DLG2: variants seen among roughly 807,000 people sequenced by gnomAD.
DLG2 encodes disks large homolog 2.
Under a neutral mutation model 132.5 loss-of-function variants are expected in DLG2, and 45 were observed. That is an observed-to-expected ratio of 0.34 (90% CI 0.27 to 0.44). The LOEUF is 0.44. Ranked by LOEUF, DLG2 falls within the 20% of genes least tolerant of loss-of-function variation. The probability of loss-of-function intolerance (pLI) is 1.00; values close to 1 mark genes in which losing one functional copy is unlikely to be tolerated. For missense variants in DLG2, 1,045 were observed against 1,196.9 expected (o/e 0.87, Z 1.87); for synonymous variants, 424 against 419.6 (o/e 1.01, Z -0.13).
At chr11:84,715,325 C>A (rs1187985200) in intron 6 of DLG2, among the ~76,000 whole-genome samples, 1 of 151,978 alleles carries the variant, frequency 6.6e-6, no homozygotes. Context: ...GTTACTACAG[C>A]CAAACTAATT....
At chr11:84,244,478 C>G (rs10898219) in intron 8 of DLG2, among the ~76,000 whole-genome samples, 23,936 of 152,106 alleles carry the variant, frequency 0.16, 2,140 homozygotes, top group East Asian at 0.25. Flanking sequence ...GAGCCCACCT[C>G]TTGCTTATAA....
At chr11:84,192,822 G>C (rs902150036) in intron 8 of DLG2, among the ~76,000 whole-genome samples, 1 of 152,150 alleles carries the variant, frequency 6.6e-6, no homozygotes, top group African/African-American at 2.4e-5. Context: ...TGACATCTCA[G>C]AGGACTGCAA....
At chr11:84,326,162 C>G (rs780511665) in intron 7 of DLG2, among the ~76,000 whole-genome samples, 6 of 151,782 alleles carry the variant, frequency 4.0e-5, no homozygotes, top group Non-Finnish European at 8.8e-5. Flanking sequence ...AAAGCTTTAC[C>G]AATTTTGTTG....
intron 4 of DLG2, among the ~76,000 whole-genome samples, chr11:85,207,877 C>T (rs910920234): frequency 2.6e-5 from 4 of 151,634 alleles, no homozygotes; most frequent in African/African-American, 9.7e-5. Context: ...TGCTTGATTG[C>T]CCTTTCATGC....
chr11:84,802,273 T>G (rs918537193), intron 6 of DLG2, among the ~76,000 whole-genome samples: 2 of 151,866 alleles, frequency 1.3e-5, no homozygotes, highest in Non-Finnish European at 2.9e-5. Context: ...GAAATAGGAA[T>G]AATAGGAAAG....
At chr11:84,944,605 ATT>A (rs60502429) in intron 6 of DLG2, among the ~76,000 whole-genome samples, 33 of 133,876 alleles carry the variant, frequency 2.5e-4, no homozygotes, top group South Asian at 9.4e-4. Context: ...GTCTCTGTTA[ATT>A]TTTTTTTTTT....
At chr11:84,854,326 C>T (rs148696650) in intron 6 of DLG2, among the ~76,000 whole-genome samples, 1 of 151,444 alleles carries the variant, frequency 6.6e-6, no homozygotes, top group African/African-American at 2.4e-5. Context: ...TTTTTTAAAC[C>T]CCTCTGAGCA....
chr11:84,934,515 G>T (rs78270160), intron 6 of DLG2, among the ~76,000 whole-genome samples: 11,560 of 39,758 alleles, frequency 0.29, 2,759 homozygotes, highest in African/African-American at 0.34. Context: ...TTTTTTTTTT[G>T]TTTTGTTTTG....
chr11:85,256,364 T>C (rs2076665762), intron 4 of DLG2, among the ~76,000 whole-genome samples: 1 of 152,048 alleles, frequency 6.6e-6, no homozygotes, highest in African/African-American at 2.4e-5. Context: ...CAGCTCCCCA[T>C]CCATGCCACT....
At chr11:85,401,593 T>C (rs1015735698) in intron 3 of DLG2, among the ~76,000 whole-genome samples, 14 of 152,260 alleles carry the variant, frequency 9.2e-5, no homozygotes, top group African/African-American at 2.9e-4. Context: ...GAAAACCCCA[T>C]TGTCTCAGCC....
chr11:85,321,387 C>T (rs1162525394), intron 3 of DLG2, among the ~76,000 whole-genome samples: 1 of 151,758 alleles, frequency 6.6e-6, no homozygotes, highest in Admixed American at 6.6e-5. Context: ...GAGTTTAGAG[C>T]TTAAAAGAAA....
chr11:83,901,137 C>T lies in DLG2; in HGVS notation c.1497-26649G>A, dbSNP rs534740928. On this transcript the variant is annotated intron_variant, in intron 15 of 27. Coordinates refer to ENST00000376104, the MANE Select transcript of DLG2 (RefSeq NM_001142699.3). ...TGGAATGGCTGTATTTACCCAATGC[C>T]TGTAGCCCCATTGTATCTATGAAGT... 2.0e-5 allele frequency among the ~76,000 whole-genome samples: 3 copies of T among 152,296 alleles called. No individual in the cohort carries two copies. The South Asian group carries it at 6.2e-4, about 32-fold the overall frequency.
intron 3 of DLG2, among the ~76,000 whole-genome samples, chr11:85,495,621 T>A (rs1324722127): frequency 6.6e-6 from 1 of 152,050 alleles, no homozygotes; most frequent in African/African-American, 2.4e-5. Flanking sequence ...CATTAAAAAC[T>A]CAGGAAACAA....
At chr11:85,041,193 C>A (rs552133512) in intron 6 of DLG2, among the ~76,000 whole-genome samples, 4 of 151,690 alleles carry the variant, frequency 2.6e-5, no homozygotes, top group African/African-American at 9.7e-5. Context: ...GTTTAAATAG[C>A]CTTCATGGGT....
intron 6 of DLG2, among the ~76,000 whole-genome samples, chr11:85,018,814 T>A (rs1219401406): frequency 2.0e-5 from 3 of 151,694 alleles, no homozygotes; most frequent in African/African-American, 7.3e-5. Context: ...TTGTCCAAAT[T>A]CCTGGCTTAA....
chr11:84,243,046 C>T (rs1383252165), intron 8 of DLG2, among the ~76,000 whole-genome samples: 1 of 145,618 alleles, frequency 6.9e-6, no homozygotes, highest in Non-Finnish European at 1.5e-5. Context: ...TATACACTCT[C>T]ACATATAAAG....
chr11:85,436,314 C>G (rs748070062), intron 3 of DLG2, among the ~76,000 whole-genome samples: 10 of 151,922 alleles, frequency 6.6e-5, no homozygotes, highest in Non-Finnish European at 1.0e-4. Context: ...ACAAATCAGT[C>G]CTAATTACAC....
intron 8 of DLG2, 35 bp downstream of exon 8, chr11:84,251,203 T>C: frequency 1.4e-6 from 2 of 1,400,544 alleles, no homozygotes; most frequent in Non-Finnish European, 9.8e-7. Flanking sequence ...TCTACCACAG[T>C]TTTAAAAGAA....
At chr11:83,945,806 CTGTGTGTGTGTG>C (rs56913664) in intron 14 of DLG2, among the ~76,000 whole-genome samples, 42 of 136,370 alleles carry the variant, frequency 3.1e-4, no homozygotes, top group African/African-American at 9.0e-4. Context: ...AGAAATGCCT[CTGTGTGTGTGTG>C]TGTGTGTGTG....
Sources: gnomAD v4.1 joint callset for allele counts (sites outside exome capture counted in the v4.1 genomes callset) on GRCh38, gnomAD v4.1.1 for gene constraint, MANE v1.5 for transcripts, NCBI Gene and HGNC (gene_info 2026-07-23, HGNC 2026-07-21) for gene names.